The following DAB1 variants were observed in gnomAD, a reference collection of about 807,000 sequenced individuals.
DAB1 encodes DAB adaptor protein 1.
A neutral mutation model predicts 64.6 loss-of-function variants in DAB1; 15 were observed. The ratio of observed to expected loss-of-function variants is 0.23; its 90% CI spans 0.16 to 0.36. DAB1 has a LOEUF of 0.36. DAB1 is among the 10% of genes least tolerant of loss of function. The pLI is 1.00. For synonymous variants in DAB1, 235 were observed against 251.9 expected (o/e 0.93, Z 0.64); for missense variants, 596 against 706.7 (o/e 0.84, Z 1.78).
Position 57,358,646 on chromosome 1 carries a change from C to T in DAB1, c.-137+65284G>A, listed in dbSNP as rs1035846734. ...AAAAAATCTTAAAATTCTTATGGAA[C>T]CACAAAAGAGCCCAAATAGCCAAAA... is the stretch of plus-strand genomic sequence containing the variant. On this transcript the variant is annotated intron_variant, in intron 1 of 14. Coordinates refer to ENST00000371236, the MANE Select transcript of DAB1 (RefSeq NM_001365792.1). Among the ~76,000 whole-genome samples the T allele has an allele frequency of 3.3e-5, 5 of 152,042 alleles. No homozygotes were observed. In the South Asian group the frequency reaches 1.0e-3, roughly 32 times the overall value.
chr1:57,811,329 C>G (rs1303935194), intron 6 of DAB1, among the ~76,000 whole-genome samples: 2 of 152,166 alleles, frequency 1.3e-5, no homozygotes, highest in African/African-American at 4.8e-5. Flanking sequence ...CACAATCCCC[C>G]TTGGTGCTGT....
At chr1:58,506,647 TA>T (rs1420238036) in intron 2 of DAB1, among the ~76,000 whole-genome samples, 1 of 152,156 alleles carries the variant, frequency 6.6e-6, no homozygotes. Context: ...GTATTAAGGG[TA>T]AAATCTTTTA....
chr1:57,230,353 T>C lies in DAB1; in HGVS notation c.67+60611A>G, dbSNP rs986859204. ...AAAAAAAAAAAACAGCTGCTAAAGA[T>C]GTTAAATGAATTAAATGACAAGCTA... On this transcript the variant is annotated intron_variant, in intron 2 of 14. Transcript: ENST00000371236. 1.6e-4 allele frequency among the ~76,000 whole-genome samples: 24 copies of C among 147,556 alleles called. No homozygotes were observed. The Middle Eastern group carries it at 0.011, about 66-fold the overall frequency.
intron 4 of DAB1, among the ~76,000 whole-genome samples, chr1:57,136,072 A>G (rs1431395946): frequency 6.6e-6 from 1 of 152,142 alleles, no homozygotes; most frequent in Non-Finnish European, 1.5e-5. Context: ...CTGGTCGTGC[A>G]GTGATAGATT....
intron 5 of DAB1, among the ~76,000 whole-genome samples, chr1:58,134,177 G>A (rs1203663705): frequency 1.3e-5 from 2 of 152,130 alleles, no homozygotes; most frequent in African/African-American, 2.4e-5. Context: ...AGTTCTGAAC[G>A]TTGGGAAGTC....
At position 58,339,145 on chromosome 1, in the gene DAB1, T is replaced by G. The variant is rs138413143; in HGVS notation, n.309+4207A>C. Among the ~76,000 whole-genome samples, 169 of 152,298 alleles carry G rather than the reference T, an allele frequency of 1.1e-3. 1 individual carries two copies. The highest frequency in any genetic ancestry group is 3.8e-3 in the African/African-American group (156 of 41,574). On this transcript the variant is annotated intron_variant and non_coding_transcript_variant, in intron 4 of 20. Transcript: ENST00000485760. ...ATCTTACACTTTTAAATGGTGAATT[T>G]TATGCTATATGAATTCTATGTAATT...
At chr1:58,478,163 C>T (rs1645437446) in intron 3 of DAB1, among the ~76,000 whole-genome samples, 1 of 152,102 alleles carries the variant, frequency 6.6e-6, no homozygotes, top group Admixed American at 6.6e-5. Context: ...TAGTGAGTGA[C>T]TTCTCACCAT....
At chr1:57,118,983 C>A (rs1656398495) in intron 4 of DAB1, among the ~76,000 whole-genome samples, 1 of 152,162 alleles carries the variant, frequency 6.6e-6, no homozygotes, top group Non-Finnish European at 1.5e-5. Flanking sequence ...GTGTCAGTTA[C>A]TATTATGAAT....
chr1:58,263,076 A>G (rs948365231), intron 4 of DAB1, among the ~76,000 whole-genome samples: 1 of 152,216 alleles, frequency 6.6e-6, no homozygotes, highest in African/African-American at 2.4e-5. Context: ...TTACTGATAC[A>G]ATACCTTGTA....
At chr1:57,066,587 C>T (rs746804604) in intron 8 of DAB1, among the ~76,000 whole-genome samples, 7 of 152,108 alleles carry the variant, frequency 4.6e-5, no homozygotes, top group East Asian at 1.9e-4. Context: ...AAGTGAAGCA[C>T]GCTTGAGGAT....
At chr1:57,823,712 C>T (rs1652224640), downstream of DAB1, among the ~76,000 whole-genome samples, 1 of 152,094 alleles carries the variant, frequency 6.6e-6, no homozygotes, top group Admixed American at 6.5e-5. Flanking sequence ...AGGAAAGTGG[C>T]CCTGACATGA....
At chr1:57,384,092 C>T (rs560850971) in intron 1 of DAB1, among the ~76,000 whole-genome samples, 2 of 152,240 alleles carry the variant, frequency 1.3e-5, no homozygotes, top group East Asian at 3.9e-4. Flanking sequence ...GACTTGAATG[C>T]TCATTTCTCC....
chr1:57,511,208 A>G (rs764095799), intron 7 of DAB1, among the ~76,000 whole-genome samples: 2 of 152,168 alleles, frequency 1.3e-5, no homozygotes, highest in Non-Finnish European at 2.9e-5. Flanking sequence ...TGCCCCTTCC[A>G]TGCATGAAAC....
At chr1:57,763,268 G>C (rs965362227) in intron 6 of DAB1, among the ~76,000 whole-genome samples, 3 of 152,206 alleles carry the variant, frequency 2.0e-5, no homozygotes, top group Non-Finnish European at 2.9e-5. Context: ...CACTTGGAAA[G>C]AGAGTAGGCA....
chr1:57,165,056 T>C (rs1661096326), intron 2 of DAB1, among the ~76,000 whole-genome samples: 9 of 152,158 alleles, frequency 5.9e-5, no homozygotes. Flanking sequence ...GCTTTCCAAC[T>C]GCAATACAGC....
chr1:57,325,408 A>G (rs1419396883), intron 1 of DAB1, among the ~76,000 whole-genome samples: 1 of 152,208 alleles, frequency 6.6e-6, no homozygotes, highest in Non-Finnish European at 1.5e-5. Flanking sequence ...CACATTGCTT[A>G]ACTTTTCTGA....
At chr1:57,218,996 C>T (rs746382507) in intron 2 of DAB1, among the ~76,000 whole-genome samples, 2 of 152,132 alleles carry the variant, frequency 1.3e-5, no homozygotes, top group Non-Finnish European at 2.9e-5. Flanking sequence ...CTAACAAAAA[C>T]ATTCTTGATC....
At chr1:58,503,292 C>T (rs145233430) in intron 3 of DAB1, among the ~76,000 whole-genome samples, 108 of 152,274 alleles carry the variant, frequency 7.1e-4, no homozygotes, top group Admixed American at 1.8e-3. Context: ...CCTTGGATAG[C>T]ACAAAGGACC....
At chr1:57,691,736 A>G (rs113334836) in intron 6 of DAB1, among the ~76,000 whole-genome samples, 2 of 152,272 alleles carry the variant, frequency 1.3e-5, no homozygotes, top group Non-Finnish European at 2.9e-5. Context: ...TGAAGTCAGC[A>G]AGACCAAGAA....
Sources: gnomAD v4.1 joint callset for allele counts (sites outside exome capture counted in the v4.1 genomes callset) on GRCh38, gnomAD v4.1.1 for gene constraint, MANE v1.5 for transcripts, NCBI Gene and HGNC (gene_info 2026-07-23, HGNC 2026-07-21) for gene names.